VWA8: variants seen among roughly 807,000 people sequenced by gnomAD.
VWA8 encodes von Willebrand factor A domain-containing protein 8.
A neutral mutation model predicts 241.5 loss-of-function variants in VWA8; 221 were observed. The ratio of observed to expected loss-of-function variants is 0.91; its 90% confidence interval spans 0.82 to 1.02. VWA8 has a LOEUF of 1.02. Ranked by LOEUF, VWA8 falls within the 50% of genes least tolerant of loss-of-function variation. The probability of loss-of-function intolerance (pLI) is 0.00; values close to 1 mark genes in which losing one functional copy is unlikely to be tolerated. For missense variants in VWA8, 2,322 were observed against 2,328.7 expected (o/e 1.00, Z 0.06); for synonymous variants, 852 against 827.1 (o/e 1.03, Z -0.52).
At position 41,917,971 on chromosome 13, in the gene VWA8, C is replaced by T. The variant is rs114223277; in HGVS notation, c.242-5803G>A. Reference sequence around the variant, plus strand: ...CTCACTGCAACTACGTGCTCATCTGCTAAACTTTCCCCTATTTACCATGTA... The same window carrying T: ...CTCACTGCAACTACGTGCTCATCTGTTAAACTTTCCCCTATTTACCATGTA... On this transcript the variant is annotated intron_variant, in intron 2 of 44. Transcript: ENST00000379310. Among the ~76,000 whole-genome samples, 1,081 of 152,260 alleles carry T rather than the reference C, an allele frequency of 7.1e-3. 7 individuals are homozygous for T. The highest frequency in any genetic ancestry group is 0.025 in the African/African-American group (1,026 of 41,542).
chr13:41,868,653 A>G (rs1873429468), intron 9 of VWA8, among the ~76,000 whole-genome samples, 176 bp from the exon 10 acceptor site: 1 of 152,136 alleles, frequency 6.6e-6, no homozygotes, highest in Non-Finnish European at 1.5e-5. Context: ...TGGGAGGCCA[A>G]GGCGGGCGGA....
chr13:41,833,643 T>C, intron 12 of VWA8, 112 bp from the exon 13 acceptor site: 1 of 1,216,992 alleles, frequency 8.2e-7, no homozygotes, highest in Non-Finnish European at 1.1e-6. Flanking sequence ...TAACATTCCA[T>C]ATAGTAACAG....
chr13:41,762,713 G>C (rs1422579455), intron 20 of VWA8, among the ~76,000 whole-genome samples: 1 of 152,068 alleles, frequency 6.6e-6, no homozygotes, highest in African/African-American at 2.4e-5. Context: ...GTGAAGAAAA[G>C]CATTCTACAA....
chr13:41,719,403 T>G, intron 26 of VWA8, 188 bp downstream of exon 26: 1 of 1,414,188 alleles, frequency 7.1e-7, no homozygotes, highest in South Asian at 1.6e-5. Flanking sequence ...TAATCAAAAT[T>G]TTCAATTTAC....
At chr13:41,599,827 A>G (rs941661393) in intron 40 of VWA8, among the ~76,000 whole-genome samples, 3 of 152,174 alleles carry the variant, frequency 2.0e-5, no homozygotes, top group African/African-American at 7.2e-5. Flanking sequence ...CAAGCCAAGT[A>G]TAAGTTGGGG....
At chr13:41,899,705 T>G (rs192242099) in intron 4 of VWA8, among the ~76,000 whole-genome samples, 1 of 152,178 alleles carries the variant, frequency 6.6e-6, no homozygotes, top group Non-Finnish European at 1.5e-5. Flanking sequence ...TTGTAAAGAA[T>G]AAATTTTAAA....
At chr13:41,701,659 T>C in intron 27 of VWA8, 129 bp from the exon 28 acceptor site, 3 of 846,234 alleles carry the variant, frequency 3.5e-6, no homozygotes, top group Non-Finnish European at 5.0e-6. Flanking sequence ...TTTTTCAATT[T>C]ATTGACAGGC....
intron 2 of VWA8, among the ~76,000 whole-genome samples, chr13:41,936,422 A>C (rs1877353417): frequency 6.6e-6 from 1 of 152,198 alleles, no homozygotes; most frequent in African/African-American, 2.4e-5. Context: ...CTTGTATATT[A>C]AGTGAGTTAT....
intron 4 of VWA8, among the ~76,000 whole-genome samples, chr13:41,903,532 G>C (rs559016006): frequency 6.6e-6 from 1 of 152,100 alleles, no homozygotes; most frequent in Non-Finnish European, 1.5e-5. Context: ...TGGAAAGGGG[G>C]TAGGCATGGC....
In VWA8 at chr13:41,661,312, C is replaced by T. The variant is rs192622273; in HGVS notation, c.4611+9634G>A. 1.1e-4 allele frequency among the ~76,000 whole-genome samples: 16 copies of T among 152,258 alleles called. 1 individual carries two copies. The highest frequency in any genetic ancestry group is 9.2e-4 in the Admixed American group (14 of 15,296). Reference sequence around the variant, plus strand: ...TGATGGAGTTATATAGAGACAAATGCCAAGCTTTTAACTCCACTGGCATTT... The same window carrying T: ...TGATGGAGTTATATAGAGACAAATGTCAAGCTTTTAACTCCACTGGCATTT... On this transcript the variant is annotated intron_variant, in intron 37 of 44. Transcript: ENST00000379310.
At chr13:41,863,612 C>CA (rs903475675) in intron 12 of VWA8, among the ~76,000 whole-genome samples, 5 of 151,368 alleles carry the variant, frequency 3.3e-5, no homozygotes, top group African/African-American at 1.2e-4. Flanking sequence ...GAAAATGTGG[C>CA]ATAGATACAC....
Position 41,666,520 on chromosome 13 carries a change from C to A in VWA8, c.4611+4426G>T, listed in dbSNP as rs149053246. Among the ~76,000 whole-genome samples, 146 of 152,128 alleles carry A rather than the reference C, an allele frequency of 9.6e-4. 5 individuals carry two copies. Among genetic ancestry groups the A allele is most frequent in the African/African-American group, 3.2e-3 (134 of 41,490 alleles). On this transcript the variant is annotated intron_variant, in intron 37 of 44. Transcript: ENST00000379310. ...CATGATAGAGCTAAACTATATCAGC[C>A]TATGAGAGATAACTGCTAAATACTT...
chr13:41,711,692 G>A (rs1036130277), intron 26 of VWA8, among the ~76,000 whole-genome samples: 1 of 152,098 alleles, frequency 6.6e-6, no homozygotes, highest in Non-Finnish European at 1.5e-5. Flanking sequence ...AGCTAACACG[G>A]TGAAACCCCG....
At chr13:41,588,779 G>A (rs1458538432) in intron 41 of VWA8, among the ~76,000 whole-genome samples, 1 of 151,498 alleles carries the variant, frequency 6.6e-6, no homozygotes, top group Non-Finnish European at 1.5e-5. Context: ...TTAAATATTT[G>A]CTGTTATTAA....
At chr13:41,816,866 A>G in intron 15 of VWA8, 91 bp from the exon 16 acceptor site, 1 of 968,206 alleles carries the variant, frequency 1.0e-6, no homozygotes, top group Non-Finnish European at 1.6e-6. Flanking sequence ...AGCAAATAAT[A>G]TTAGAATTAC....
intron 42 of VWA8, among the ~76,000 whole-genome samples, chr13:41,581,589 C>T (rs569301479): frequency 6.6e-6 from 1 of 152,186 alleles, no homozygotes; most frequent in African/African-American, 2.4e-5. Context: ...TACTCACTGC[C>T]CCCCTCCACT....
rs1555335019 is a variant in VWA8, at chr13:41,784,679, T to TC, written c.2171-779_2171-778insG. The stretch of plus-strand genomic sequence containing the variant: ...CCTTGTCTCTCTCTCTCTCTCTCTC[T>TC]TTATACATATACATATACATATATA... On this transcript the variant is annotated intron_variant, in intron 18 of 44. Transcript: ENST00000379310. 3.6e-4 allele frequency among the ~76,000 whole-genome samples: 34 copies of TC among 93,534 alleles called. 2 individuals carry two copies. The highest frequency in any genetic ancestry group is 5.2e-3 in the Middle Eastern group (1 of 192). 61.4% of individuals were successfully genotyped at this position (93,534 alleles called of 152,430 possible).
At chr13:41,815,506 G>A (rs941370128) in intron 16 of VWA8, among the ~76,000 whole-genome samples, 1 of 152,166 alleles carries the variant, frequency 6.6e-6, no homozygotes, top group African/African-American at 2.4e-5. Flanking sequence ...AAACACAGGG[G>A]AGAAGGTAAT....
At chr13:41,886,410 CTT>C (rs1316123700) in intron 7 of VWA8, among the ~76,000 whole-genome samples, 1 of 151,922 alleles carries the variant, frequency 6.6e-6, no homozygotes, top group African/African-American at 2.4e-5. Context: ...AAAAAAAACA[CTT>C]GTTGTGTTCG....
Sources: allele counts gnomAD v4.1 joint callset (sites outside exome capture counted in the v4.1 genomes callset), GRCh38; gene constraint gnomAD v4.1.1; transcripts MANE v1.5; gene names NCBI Gene and HGNC (gene_info 2026-07-23, HGNC 2026-07-21).